Variants in PRKAR1A observed in about 807,000 individuals in gnomAD.
The protein encoded by PRKAR1A is cAMP-dependent protein kinase type I-alpha regulatory subunit.
In PRKAR1A, 3 loss-of-function variants were observed where a neutral mutation model predicts 52.0. That is an observed-to-expected ratio of 0.06 (90% CI 0.03 to 0.15). The LOEUF (loss-of-function observed/expected upper bound fraction) is 0.15, where lower values mean the gene tolerates loss of function less well. Among genes scored for constraint, PRKAR1A ranks in the 10% least tolerant of loss-of-function variants. The pLI is 1.00. For synonymous variants in PRKAR1A, 188 were observed against 168.4 expected (o/e 1.12, Z -0.90); for missense variants, 240 against 477.4 (o/e 0.50, Z 4.63).
the PRKAR1A span, among the ~76,000 whole-genome samples, chr17:68,493,327 A>G: frequency 6.6e-6 from 1 of 152,180 alleles, no homozygotes; most frequent in South Asian, 2.1e-4. Flanking sequence ...GAGCAGGAAC[A>G]AAAGGAAGGA....
At chr17:68,480,039 G>T in the PRKAR1A span, among the ~76,000 whole-genome samples, 3 of 152,188 alleles carry the variant, frequency 2.0e-5, no homozygotes, top group Admixed American at 1.3e-4. Flanking sequence ...CCCACAGCAT[G>T]TGGGGAATAT....
At chr17:68,542,189 A>G (rs1163559634) in intron 11 of PRKAR1A, 1 of 1,613,324 alleles carries the variant, frequency 6.2e-7, no homozygotes, top group Non-Finnish European at 8.5e-7. Context: ...AGGAGAGAGG[A>G]GGAGTAAGTG....
chr17:68,528,575 A>G lies in PRKAR1A; in HGVS notation c.770-295A>G, dbSNP rs1448663202. 2.4e-5 allele frequency: 9 copies of G among 372,240 alleles called. No homozygotes were observed. In the East Asian group the frequency reaches 3.3e-4, roughly 14 times the overall value. 23.1% of individuals were successfully genotyped at this position (372,240 alleles called of 1,614,324 possible). ...TGTAGGTTTGATTTGCATTGATGGC[A>G]ATCTTCAGGAATACTTAAGGATTAC... On this transcript the variant is annotated intron_variant, in intron 8 of 10. Transcript: ENST00000589228.
At chr17:68,548,811 CA>C (rs1600554097) in intron 11 of PRKAR1A, among the ~76,000 whole-genome samples, 1 of 141,848 alleles carries the variant, frequency 7.0e-6, no homozygotes, top group East Asian at 2.2e-4. Context: ...TGGCTCACTG[CA>C]AGCTCCGCCT....
At chr17:68,467,391 A>G in the PRKAR1A span, among the ~76,000 whole-genome samples, 4 of 151,690 alleles carry the variant, frequency 2.6e-5, no homozygotes, top group East Asian at 5.8e-4. Context: ...GCATACAGGG[A>G]CTCCAGTTTC....
chr17:68,504,698 C>T, the PRKAR1A span, among the ~76,000 whole-genome samples: 6 of 151,942 alleles, frequency 3.9e-5, no homozygotes, highest in African/African-American at 4.8e-5. Context: ...GGAAGTGTAG[C>T]GGTGGAGGGT....
At chr17:68,522,624 G>A in intron 2 of PRKAR1A, 132 bp from the exon 3 acceptor site, 1 of 1,009,120 alleles carries the variant, frequency 9.9e-7, no homozygotes, top group Non-Finnish European at 1.5e-6. Flanking sequence ...TGGAATTGGT[G>A]TTTTCCTCTT....
At chr17:68,523,445 A>G (rs2085681190) in intron 3 of PRKAR1A, among the ~76,000 whole-genome samples, 1 of 152,232 alleles carries the variant, frequency 6.6e-6, no homozygotes, top group Non-Finnish European at 1.5e-5. Context: ...CAGAATAATG[A>G]CCTTGGTCCA....
the PRKAR1A span, among the ~76,000 whole-genome samples, chr17:68,461,935 TTTTCTG>T: frequency 6.6e-6 from 1 of 152,058 alleles, no homozygotes; most frequent in Non-Finnish European, 1.5e-5. The surrounding 1 kb of genome is among the most constrained non-coding windows in gnomAD (Gnocchi z 4.6). Context: ...TGCAACTGGG[TTTTCTG>T]TTTCTAATTA....
the PRKAR1A span, among the ~76,000 whole-genome samples, chr17:68,437,003 A>ATATATATATATATATAT: frequency 3.3e-5 from 2 of 60,334 alleles, no homozygotes; most frequent in Admixed American, 1.9e-4. Flanking sequence ...CAAAAAAAAA[A>ATATATATATATATATAT]AAATATATAT....
At chr17:68,540,009 G>T in intron 11 of PRKAR1A, 12 of 1,553,074 alleles carry the variant, frequency 7.7e-6, no homozygotes, top group Non-Finnish European at 9.8e-6. Flanking sequence ...GCAGGCCAGG[G>T]GGACAGGTGC....
intron 11 of PRKAR1A, among the ~76,000 whole-genome samples, chr17:68,550,118 G>C (rs1156996830): frequency 6.6e-6 from 1 of 152,010 alleles, no homozygotes; most frequent in Non-Finnish European, 1.5e-5. Flanking sequence ...AGTTAATATT[G>C]ATTTGACATT....
downstream of PRKAR1A, chr17:68,535,632 T>G: frequency 2.2e-6 from 1 of 454,024 alleles, no homozygotes; most frequent in Admixed American, 2.3e-5. Context: ...ATCTTTGGGA[T>G]TAAGGTTTCT....
chr17:68,452,319 C>G, the PRKAR1A span, among the ~76,000 whole-genome samples: 1 of 152,216 alleles, frequency 6.6e-6, no homozygotes, highest in South Asian at 2.1e-4. Context: ...AATCTCAGGA[C>G]TTTGGGAGGC....
intron 1 of PRKAR1A, among the ~76,000 whole-genome samples, chr17:68,513,813 G>C (rs2085346431): frequency 6.6e-6 from 1 of 152,172 alleles, no homozygotes; most frequent in African/African-American, 2.4e-5. Context: ...CAAAAACACA[G>C]TTTCACTCCT....
At position 68,541,951 on chromosome 17, in the gene PRKAR1A, AG is replaced by A. The variant is rs759235513; in HGVS notation, c.974-9131del. Reference sequence around the variant, plus strand: ...GGTACAGGGTCTGTGGCTACTGTCAAGGACTGGGCTGTGTGGCCTGGGGACC... The same window carrying A: ...GGTACAGGGTCTGTGGCTACTGTCAAGACTGGGCTGTGTGGCCTGGGGACC... On this transcript the variant is annotated intron_variant, in intron 11 of 11. Coordinates refer to the PRKAR1A transcript ENST00000585981. 6 of 1,601,158 alleles carry A rather than the reference AG, an allele frequency of 3.7e-6. No homozygotes were observed. In the South Asian group the frequency reaches 5.6e-5, roughly 15 times the overall value.
At chr17:68,487,801 GACAAAAA>G in the PRKAR1A span, among the ~76,000 whole-genome samples, 1 of 122,376 alleles carries the variant, frequency 8.2e-6, no homozygotes, top group South Asian at 2.4e-4. Flanking sequence ...CCTCATCTCA[GACAAAAA>G]AAAAAAAGAA....
At position 68,531,212 on chromosome 17, in the gene PRKAR1A, T is replaced by C; in HGVS notation, c.*763T>C. The C allele has an allele frequency of 1.9e-6, 2 of 1,066,382 alleles. No homozygotes were observed. The highest frequency in any genetic ancestry group is 9.1e-5 in the South Asian group (2 of 21,978). The allele number at this position is 1,066,382 out of a possible 1,614,324, so 66.1% of individuals were successfully genotyped here. A position where few individuals can be genotyped will look rare whatever the true frequency, so the allele number is the denominator to read the frequency against. ...AGTATTTAACTACATCTGCCTCGGCTCACAAATTCCGATTAGACCTTTATC... is the reference window on the plus strand; with the variant it reads ...AGTATTTAACTACATCTGCCTCGGCCCACAAATTCCGATTAGACCTTTATC... On this transcript the variant is annotated 3_prime_UTR_variant, in exon 11 of 11. Coordinates refer to ENST00000589228, the MANE Select transcript of PRKAR1A (RefSeq NM_002734.5).
At chr17:68,483,008 G>A in the PRKAR1A span, among the ~76,000 whole-genome samples, 3 of 152,072 alleles carry the variant, frequency 2.0e-5, no homozygotes, top group African/African-American at 7.2e-5. Context: ...ATCATGCTGT[G>A]GTGTCAAACA....
Sources: allele counts gnomAD v4.1 joint callset (sites outside exome capture counted in the v4.1 genomes callset), GRCh38; gene constraint gnomAD v4.1.1; non-coding constraint Gnocchi (gnomAD v3.1); transcripts MANE v1.5; gene names NCBI Gene and HGNC (gene_info 2026-07-23, HGNC 2026-07-21).